Variants in IARS1 observed in about 807,000 individuals in gnomAD.
The protein encoded by IARS1 is isoleucyl-tRNA synthetase 1, also known as isoleucine--tRNA ligase, cytoplasmic.
A neutral mutation model predicts 168.2 loss-of-function variants in IARS1; 124 were observed. The ratio of observed to expected loss-of-function variants is 0.74; its 90% CI spans 0.64 to 0.86. IARS1 has a LOEUF of 0.86. Among genes scored for constraint, IARS1 ranks in the 40% least tolerant of loss-of-function variants. The pLI is 0.00. For synonymous variants in IARS1, 532 were observed against 529.4 expected, an observed-to-expected ratio of 1.00 and a Z score of -0.07; for missense variants, 1,452 against 1,515.8, an observed-to-expected ratio of 0.96 and a Z score of 0.70.
At chr9:92,264,549 C>T (rs562488645) in intron 16 of IARS1, among the ~76,000 whole-genome samples, 16 of 152,184 alleles carry the variant, frequency 1.1e-4, no homozygotes, top group East Asian at 9.6e-4. Context: ...GAGCACATTA[C>T]CAACTATCCC....
At chr9:92,276,281 A>G (rs1448894009) in intron 9 of IARS1, among the ~76,000 whole-genome samples, 5 of 152,220 alleles carry the variant, frequency 3.3e-5, no homozygotes, top group African/African-American at 1.2e-4. Context: ...TTAAGACAGT[A>G]GGAAAACTTA....
At position 92,282,567 on chromosome 9, in the gene IARS1, T is replaced by C. The variant is rs142746182; in HGVS notation, c.598-1674A>G. Among the ~76,000 whole-genome samples the C allele has an allele frequency of 3.1e-3, 470 of 152,122 alleles. 2 individuals carry two copies. Among genetic ancestry groups the C allele is most frequent in the African/African-American group, 0.011 (442 of 41,528 alleles). ...AGGAGGATCGCACAAGCTCTGGAGTTTGAGACCAGCTGGGGCAATATGGTG... is the reference window on the plus strand; with the variant it reads ...AGGAGGATCGCACAAGCTCTGGAGTCTGAGACCAGCTGGGGCAATATGGTG... On this transcript the variant is annotated intron_variant, in intron 6 of 33. Transcript: ENST00000443024.
At chr9:92,267,006 G>C (rs1832374888) in intron 14 of IARS1, among the ~76,000 whole-genome samples, 1 of 152,178 alleles carries the variant, frequency 6.6e-6, no homozygotes, top group Non-Finnish European at 1.5e-5. Flanking sequence ...TAACCATATG[G>C]TATCATAATC....
Position 92,248,735 on chromosome 9 carries a change from G to A in IARS1, c.2616+1123C>T, listed in dbSNP as rs28736777. 3.7e-4 allele frequency among the ~76,000 whole-genome samples: 55 copies of A among 150,472 alleles called. No homozygotes were observed. The East Asian group carries it at 0.01, about 28-fold the overall frequency. Reference sequence around the variant, plus strand: ...TGTCAGAATTTAAAATCTAACTTTTGGTTTCTAATATTTCTCTGCAACTTT... The same window carrying A: ...TGTCAGAATTTAAAATCTAACTTTTAGTTTCTAATATTTCTCTGCAACTTT... On this transcript the variant is annotated intron_variant, in intron 25 of 33. Transcript: ENST00000443024.
At position 92,293,690 on chromosome 9, in the gene IARS1, G is replaced by C. The variant is rs889794234; in HGVS notation, c.-87C>G. 3.7e-6 allele frequency: 1 copy of C among 271,126 alleles called. No individual in the cohort carries two copies. The highest frequency in any genetic ancestry group is 2.2e-5 in the African/African-American group (1 of 44,940). 16.8% of individuals were successfully genotyped at this position (271,126 alleles called of 1,614,324 possible). On this transcript the variant is annotated 5_prime_UTR_variant, in exon 1 of 34. Coordinates refer to ENST00000443024, the MANE Select transcript of IARS1 (RefSeq NM_002161.6). ...CTCATCCGGCGTCCACGCTGCAACC[G>C]GGCGCACGGAGGTGATGCAACGCGC...
chr9:92,229,708 C>A (rs1200672056), intron 30 of IARS1, among the ~76,000 whole-genome samples: 4 of 152,122 alleles, frequency 2.6e-5, no homozygotes, highest in African/African-American at 7.2e-5. Flanking sequence ...GGCCCCTTAC[C>A]CAGTTTCCCC....
rs1587792318 is a variant in IARS1, at chr9:92,249,745, A to G, written c.2616+113T>C. ...TAAAATATGGATTATTACATTTGTT[A>G]TGACTATACTAATAAAAATAAATTA... On this transcript the variant is annotated intron_variant, in intron 25 of 33. Transcript: ENST00000443024. The G allele has an allele frequency of 1.1e-5, 6 of 553,066 alleles. No homozygotes were observed. The East Asian group carries it at 1.8e-4, about 17-fold the overall frequency. 34.3% of individuals were successfully genotyped at this position (553,066 alleles called of 1,614,324 possible).
At chr9:92,281,972 CCTT>C (rs1834642012) in intron 6 of IARS1, among the ~76,000 whole-genome samples, 2 of 151,942 alleles carry the variant, frequency 1.3e-5, no homozygotes, top group Non-Finnish European at 2.9e-5. Flanking sequence ...GTTTTTCTTT[CCTT>C]CTTTTTTTCT....
chr9:92,262,980 A>G lies in IARS1; in HGVS notation c.1776T>C (p.Leu592=), dbSNP rs2133812851. The G allele has an allele frequency of 6.2e-7, 1 of 1,613,690 alleles. No individual in the cohort carries two copies. The highest frequency in any genetic ancestry group is 8.5e-7 in the Non-Finnish European group (1 of 1,179,592). ...CAAAGTTGACCTACCTTGCCAGGAC[A>G]AGCCCATTCACAATTACGTTCTTGA... ...PPFKNVIVNG[L]VLASDGQKMS... is the part of the protein sequence containing the mutation. The change falls in exon 17 of 34, where the codon CTT becomes CTC. Residue 592 remains leucine (L), a synonymous_variant. Transcript: ENST00000443024.
At chr9:92,254,990 G>A (rs1013313427) in intron 20 of IARS1, among the ~76,000 whole-genome samples, 1 of 152,124 alleles carries the variant, frequency 6.6e-6, no homozygotes, top group African/African-American at 2.4e-5. Flanking sequence ...AAGGGGGTCC[G>A]GGCAACAATC....
At chr9:92,288,487 T>C (rs1165841504) in intron 2 of IARS1, among the ~76,000 whole-genome samples, 2 of 152,202 alleles carry the variant, frequency 1.3e-5, no homozygotes, top group African/African-American at 4.8e-5. Flanking sequence ...AGACCTCCAT[T>C]TGATTATCCA....
intron 8 of IARS1, 58 bp downstream of exon 8, chr9:92,278,118 CAAAGTTTATTTCTTTTTAAAACT>C: frequency 1.7e-6 from 2 of 1,146,420 alleles, no homozygotes. Flanking sequence ...TTTTGGATAA[CAAAGTTTATTTCTTTTTAAAACT>C]AAAGACACAC....
At chr9:92,238,000 G>C (rs1414703652) in intron 30 of IARS1, among the ~76,000 whole-genome samples, 1 of 152,032 alleles carries the variant, frequency 6.6e-6, no homozygotes, top group Non-Finnish European at 1.5e-5. Context: ...CCGCCTCCCG[G>C]GTTCAAGCGA....
intron 29 of IARS1, among the ~76,000 whole-genome samples, chr9:92,241,471 G>C (rs918986728): frequency 3.3e-5 from 5 of 151,966 alleles, no homozygotes; most frequent in Admixed American, 1.3e-4. Context: ...TCAGCCTCCC[G>C]AGTAGCTGGG....
rs530735769 is a variant in IARS1 at position 92,247,668 on chromosome 9, G to A, written c.2617-117C>T. ...GCCAGAAAGCAAGAACACTTCAAGT[G>A]TCCATCAACTGTGAATGGATAAACA... On this transcript the variant is annotated intron_variant, in intron 25 of 33. Coordinates refer to ENST00000443024, the MANE Select transcript of IARS1 (RefSeq NM_002161.6). 7 of 813,764 alleles carry A rather than the reference G, an allele frequency of 8.6e-6. No homozygotes were observed. The South Asian group carries it at 1.1e-4, about 12-fold the overall frequency. The allele number at this position is 813,764 out of a possible 1,614,324, so 50.4% of individuals were successfully genotyped here. A position where few individuals can be genotyped will look rare whatever the true frequency, so the allele number is the denominator to read the frequency against.
At position 92,260,251 on chromosome 9, in the gene IARS1, G is replaced by T. The variant is rs759317051; in HGVS notation, c.1788-17C>A. 6.6e-7 allele frequency: 1 copy of T among 1,507,362 alleles called. No homozygotes were observed. The highest frequency in any genetic ancestry group is 1.1e-5 in the South Asian group (1 of 88,840). 93.4% of individuals were successfully genotyped at this position (1,507,362 alleles called of 1,614,324 possible). ...TGGCCATCACTTGTAAAACAAAAGG[G>T]AGATGCCAATTAAGTAAGTCAATAT... On this transcript the variant is annotated splice_polypyrimidine_tract_variant and intron_variant, in intron 17 of 33. Transcript: ENST00000443024.
chr9:92,219,711 C>T (rs1292170788), intron 33 of IARS1, among the ~76,000 whole-genome samples: 2 of 140,020 alleles, frequency 1.4e-5, no homozygotes, highest in East Asian at 2.0e-4. Flanking sequence ...ATCAAAACCA[C>T]AATGAGATAC....
At chr9:92,234,190 C>G (rs1008493018) in intron 30 of IARS1, among the ~76,000 whole-genome samples, 3 of 152,064 alleles carry the variant, frequency 2.0e-5, no homozygotes, top group African/African-American at 7.2e-5. Flanking sequence ...CATCCTGTGA[C>G]TCAAAAGTTT....
intron 33 of IARS1, among the ~76,000 whole-genome samples, chr9:92,215,709 G>A (rs1269691555): frequency 2.6e-5 from 4 of 151,794 alleles, no homozygotes; most frequent in African/African-American, 9.7e-5. Context: ...AAGCGAGAAG[G>A]GAAGTTTAGA....
Sources: gnomAD v4.1 joint callset for allele counts (sites outside exome capture counted in the v4.1 genomes callset) on GRCh38, gnomAD v4.1.1 for gene constraint, MANE v1.5 for transcripts, NCBI Gene and HGNC (gene_info 2026-07-23, HGNC 2026-07-21) for gene names.